Variants in PHACTR1 observed in about 807,000 individuals in gnomAD.
PHACTR1 encodes the protein RPEL repeat containing 1.
Under a neutral mutation model 69.2 loss-of-function variants are expected in PHACTR1, and 16 were observed. That is an observed-to-expected ratio of 0.23 (90% confidence interval 0.16 to 0.35). The LOEUF (loss-of-function observed/expected upper bound fraction) is 0.35. Among genes scored for constraint, PHACTR1 ranks in the 10% least tolerant of loss-of-function variants. The probability of loss-of-function intolerance (pLI) is 1.00; values close to 1 mark genes in which losing one functional copy is unlikely to be tolerated. For missense variants in PHACTR1, 510 were observed against 734.7 expected (o/e 0.69, Z 3.54); for synonymous variants, 312 against 284.5 (o/e 1.10, Z -0.97).
chr6:12,909,134 G>C (rs1365482089), intron 4 of PHACTR1, among the ~76,000 whole-genome samples: 1 of 152,078 alleles, frequency 6.6e-6, no homozygotes. Context: ...TGAAACAAAT[G>C]GTCAGGAAGA....
intron 5 of PHACTR1, among the ~76,000 whole-genome samples, chr6:13,099,159 C>T (rs989980649): frequency 2.0e-5 from 3 of 152,200 alleles, no homozygotes; most frequent in African/African-American, 7.2e-5. Context: ...GTTATCCCTT[C>T]CATCTCTGTC....
intron 5 of PHACTR1, among the ~76,000 whole-genome samples, chr6:13,063,610 C>CA (rs57064391): frequency 0.25 from 35,130 of 141,596 alleles, 4,208 homozygotes; most frequent in East Asian, 0.34. Context: ...CCCATTACCA[C>CA]AAAAAAAAAA....
chr6:12,973,853 T>G (rs1459461448), intron 4 of PHACTR1, among the ~76,000 whole-genome samples: 2 of 151,470 alleles, frequency 1.3e-5, no homozygotes, highest in African/African-American at 4.9e-5. Context: ...GTGGGAGAAC[T>G]AACCATCTTT....
chr6:12,728,479 A>C (rs951909548), intron 3 of PHACTR1, among the ~76,000 whole-genome samples: 4 of 152,214 alleles, frequency 2.6e-5, no homozygotes, highest in Admixed American at 1.3e-4. Flanking sequence ...TATTAGCTTA[A>C]AAATATCATA....
At chr6:12,884,066 CCACATACACA>C (rs1278522128) in intron 4 of PHACTR1, among the ~76,000 whole-genome samples, 1 of 147,072 alleles carries the variant, frequency 6.8e-6, no homozygotes, top group Non-Finnish European at 1.5e-5. Flanking sequence ...ACACATGTAC[CCACATACACA>C]CACATACACA....
intron 4 of PHACTR1, among the ~76,000 whole-genome samples, chr6:12,973,132 C>T (rs1396003859): frequency 2.0e-5 from 3 of 152,084 alleles, no homozygotes; most frequent in Non-Finnish European, 4.4e-5. Context: ...ATGTAAGGTA[C>T]CATATTCACA....
intron 4 of PHACTR1, among the ~76,000 whole-genome samples, chr6:12,793,273 G>C (rs1772562037): frequency 6.6e-6 from 1 of 152,076 alleles, no homozygotes; most frequent in African/African-American, 2.4e-5. Context: ...GAGTTTTATT[G>C]GGTTATAAAA....
chr6:13,043,986 T>A (rs866573666), intron 4 of PHACTR1, among the ~76,000 whole-genome samples: 1 of 152,194 alleles, frequency 6.6e-6, no homozygotes, highest in African/African-American at 2.4e-5. Flanking sequence ...GAAGGATACA[T>A]TCCTGGGAGA....
At chr6:13,044,473 G>A (rs1804702992) in intron 4 of PHACTR1, among the ~76,000 whole-genome samples, 1 of 152,176 alleles carries the variant, frequency 6.6e-6, no homozygotes, top group African/African-American at 2.4e-5. Context: ...CAAGCTCAAT[G>A]ACTCATCCCT....
chr6:13,049,509 A>T (rs1295021011), intron 4 of PHACTR1, among the ~76,000 whole-genome samples: 1 of 152,210 alleles, frequency 6.6e-6, no homozygotes, highest in African/African-American at 2.4e-5. Flanking sequence ...AATATTTTAA[A>T]AACTTCACTT....
At chr6:13,177,448 T>A (rs888521562) in intron 6 of PHACTR1, among the ~76,000 whole-genome samples, 2 of 151,680 alleles carry the variant, frequency 1.3e-5, no homozygotes, top group East Asian at 3.9e-4. Flanking sequence ...TATATGTGTG[T>A]GTGTGTGTAT....
rs1773480060 is a variant in PHACTR1 at position 13,245,582 on chromosome 6, A to C, written c.1391+15389A>C. ...ACCTTTGTTGGACGTATAGTTTGCA[A>C]ATATTTTCTCCCATTCTGTAGCTTG... On this transcript the variant is annotated intron_variant, in intron 10 of 14. Transcript: ENST00000332995. The surrounding 1 kb of genome is among the most constrained non-coding windows in gnomAD (Gnocchi z 4.1). 6.6e-6 allele frequency among the ~76,000 whole-genome samples: 1 copy of C among 152,150 alleles called. No individual in the cohort carries two copies. The highest frequency in any genetic ancestry group is 2.1e-4 in the South Asian group (1 of 4,836).
chr6:13,181,455 T>TC (rs1762168200), intron 6 of PHACTR1, among the ~76,000 whole-genome samples: 1 of 152,224 alleles, frequency 6.6e-6, no homozygotes. Flanking sequence ...GGAACAGCTT[T>TC]CAGTCCTCTT....
intron 4 of PHACTR1, among the ~76,000 whole-genome samples, chr6:12,802,541 A>G (rs1773827844): frequency 6.6e-6 from 1 of 152,178 alleles, no homozygotes; most frequent in South Asian, 2.1e-4. Context: ...GAAATGTGGA[A>G]TGTATTTTCT....
chr6:13,205,721 T>C, intron 7 of PHACTR1, 94 bp from the exon 8 acceptor site: 1 of 1,234,818 alleles, frequency 8.1e-7, no homozygotes, highest in Non-Finnish European at 1.1e-6. Flanking sequence ...GCTCAACTCA[T>C]TGGCCACAGT....
At chr6:13,171,975 C>T (rs1173615620) in intron 6 of PHACTR1, among the ~76,000 whole-genome samples, 1 of 152,142 alleles carries the variant, frequency 6.6e-6, no homozygotes, top group Non-Finnish European at 1.5e-5. Flanking sequence ...CCGTGTTGGC[C>T]AGGCTGGTCT....
Position 13,190,198 on chromosome 6 carries a change from AT to A in PHACTR1, c.664+7528del, listed in dbSNP as rs1215055032. On this transcript the variant is annotated intron_variant, in intron 7 of 14. Coordinates refer to ENST00000332995, the MANE Select transcript of PHACTR1 (RefSeq NM_030948.6). ...GCCACTATGCTCAGCTAATTTTTGT[AT>A]TTTTTTTTTTTTTTTAGTAGAGGTG... Among the ~76,000 whole-genome samples the A allele has an allele frequency of 1.3e-3, 113 of 87,240 alleles. 1 individual carries two copies. The highest frequency in any genetic ancestry group is 2.8e-3 in the Admixed American group (20 of 7,100). 57.2% of individuals were successfully genotyped at this position (87,240 alleles called of 152,430 possible).
At chr6:12,973,523 G>A (rs772094349) in intron 4 of PHACTR1, among the ~76,000 whole-genome samples, 6 of 152,162 alleles carry the variant, frequency 3.9e-5, no homozygotes, top group Non-Finnish European at 7.3e-5. Flanking sequence ...GTAGAATAAT[G>A]TTTACATTGC....
chr6:13,024,080 G>GA (rs59385709), intron 4 of PHACTR1, among the ~76,000 whole-genome samples: 9,300 of 130,746 alleles, frequency 0.071, 883 homozygotes, highest in African/African-American at 0.22. Context: ...CTGTCTCAAA[G>GA]AAAAAAAAAA....
Sources: allele counts gnomAD v4.1 joint callset (sites outside exome capture counted in the v4.1 genomes callset), GRCh38; gene constraint gnomAD v4.1.1; non-coding constraint Gnocchi (gnomAD v3.1); transcripts MANE v1.5; gene names NCBI Gene and HGNC (gene_info 2026-07-23, HGNC 2026-07-21).